IDS: variants seen among roughly 807,000 people sequenced by gnomAD.
The protein encoded by IDS is iduronate 2-sulfatase.
Under a neutral mutation model 33.5 loss-of-function variants are expected in IDS, and 1 was observed. The observed-to-expected ratio is 0.03, with a 90% CI of 0.01 to 0.14. The LOEUF is 0.14. IDS is among the 10% of genes least tolerant of loss of function. IDS has a pLI of 1.00. For missense variants in IDS, 328 were observed against 448.0 expected (o/e 0.73, Z 2.42); for synonymous variants, 191 against 184.4 (o/e 1.04, Z -0.29).
chrX:149,494,107 G>T (rs2089416233), intron 6 of IDS, among the ~76,000 whole-genome samples: 1 of 111,697 alleles, frequency 9.0e-6, no homozygotes, highest in Admixed American at 9.5e-5. Flanking sequence ...GGGCCTCCCT[G>T]CTTCGTGGGG....
chrX:149,505,201 AG>A lies in IDS; in HGVS notation c.-65del. ...GGCTGCAGCAGGTGGCGCAGTTAGC[AG>A]CCGCCGCCGCAGCCACAGAGACCTC... On this transcript the variant is annotated 5_prime_UTR_variant, in exon 1 of 9. It removes the in-frame stop codon of an upstream open reading frame in the 5' UTR. Transcript: ENST00000340855. 5 of 829,732 alleles carry A rather than the reference AG, an allele frequency of 6.0e-6. No homozygotes were observed. The highest frequency in any genetic ancestry group is 5.6e-5 in the Admixed American group (2 of 35,400). The allele number at this position is 829,732 out of a possible 1,213,427, so 68.4% of individuals were successfully genotyped here. A position where few individuals can be genotyped will look rare whatever the true frequency, so the allele number is the denominator to read the frequency against.
chrX:149,504,595 A>G (rs925540520), intron 1 of IDS, among the ~76,000 whole-genome samples: 13 of 110,899 alleles, frequency 1.2e-4, no homozygotes, highest in African/African-American at 3.9e-4. Context: ...TATGCAGGAA[A>G]GGACAGATGG....
Position 149,500,978 on chromosome X carries a change from G to A in IDS, c.478C>T (p.Pro160Ser), listed in dbSNP as rs200608244. 8.5e-7 allele frequency: 1 copy of A among 1,175,380 alleles called. No individual in the cohort carries two copies. Among genetic ancestry groups the A allele is most frequent in the East Asian group, 3.0e-5 (1 of 33,689 alleles). The change falls in exon 4 of 9, where the codon CCT becomes TCT. Residue 160 changes from proline (P) to serine (S), a missense_variant. By Grantham distance (74) the Pro-to-Ser change is moderately conservative. Coordinates refer to ENST00000340855, the MANE Select transcript of IDS (RefSeq NM_000202.8). ...GTGTTTTCATACTTCTCAGAGGAAG[G>A]ATGATAAGGTGGAAAAGACCAGCTA... ...PYSWSFPPYH[P>S]SSEKYENTKT... is the part of the protein sequence containing the mutation.
At chrX:149,492,353 A>G (rs1436972155) in intron 6 of IDS, among the ~76,000 whole-genome samples, 1 of 111,787 alleles carries the variant, frequency 8.9e-6, no homozygotes, top group Non-Finnish European at 1.9e-5. Context: ...AAGGCTTCAC[A>G]GAGGAGTTAG....
At chrX:149,503,237 C>T (rs1427926188) in intron 3 of IDS, 75 bp downstream of exon 3, 1 of 1,172,383 alleles carries the variant, frequency 8.5e-7, no homozygotes, top group African/African-American at 1.8e-5. Context: ...AAAGACAGCC[C>T]CATCCCCAGG....
At position 149,482,823 on chromosome X, in the gene IDS, C is replaced by A. The variant is rs782482845; in HGVS notation, c.1576G>T (p.Asp526Tyr). ...DIHAGELYFV[D>Y]SDPLQDHNMY... ...TTGTGATCCTGCAATGGGTCAGAAT[C>A]CACAAAATACAGTTCCCCTGCATGG... The change falls in exon 9 of 9, where the codon GAT (aspartate) becomes TAT (tyrosine). Residue 526 changes from aspartate (D) to tyrosine (Y), a missense_variant. Transcript: ENST00000340855. 1.7e-6 allele frequency: 2 copies of A among 1,211,942 alleles called. No homozygotes were observed. The highest frequency in any genetic ancestry group is 5.9e-5 in the East Asian group (2 of 33,862).
At chrX:149,487,163 T>C (rs1185857041) in intron 7 of IDS, 65 bp from the exon 8 acceptor site, 1 of 1,207,812 alleles carries the variant, frequency 8.3e-7, no homozygotes, top group African/African-American at 1.8e-5. Flanking sequence ...TTGTTTATTT[T>C]AGATACCATT....
At chrX:149,488,957 A>G (rs1490947386) in intron 7 of IDS, among the ~76,000 whole-genome samples, 62 of 110,888 alleles carry the variant, frequency 5.6e-4, no homozygotes, top group African/African-American at 2.0e-3. Flanking sequence ...GACACCTGTT[A>G]AAGTGCACTT....
intron 8 of IDS, among the ~76,000 whole-genome samples, chrX:149,484,503 G>T (rs992788554): frequency 2.7e-5 from 3 of 112,221 alleles, no homozygotes; most frequent in Admixed American, 9.4e-5. Flanking sequence ...TGTATTTTTA[G>T]TAGAGATGGG....
In IDS at chrX:149,482,544, C is replaced by A; in HGVS notation, c.*202G>T. 3.7e-6 allele frequency: 2 copies of A among 533,717 alleles called. No homozygotes were observed. Among genetic ancestry groups the A allele is most frequent in the Non-Finnish European group, 5.8e-6 (2 of 346,310 alleles). 44.0% of individuals were successfully genotyped at this position (533,717 alleles called of 1,213,427 possible). On this transcript the variant is annotated 3_prime_UTR_variant, in exon 9 of 9. Coordinates refer to ENST00000340855, the MANE Select transcript of IDS (RefSeq NM_000202.8). ...ATTAAAAAAAAAACTGGTCCAATTA[C>A]CAATTATAAATTTTAATAAAGACTA... is the stretch of plus-strand genomic sequence containing the variant.
rs782365780 is a variant in IDS at position 149,480,276 on chromosome X, T to C, written c.*2470A>G. 5.9e-4 allele frequency: 99 copies of C among 167,709 alleles called. No individual in the cohort carries two copies. The highest frequency in any genetic ancestry group is 3.2e-3 in the African/African-American group (96 of 30,374). The allele number at this position is 167,709 out of a possible 1,213,427, so 13.8% of individuals were successfully genotyped here. A position where few individuals can be genotyped will look rare whatever the true frequency, so the allele number is the denominator to read the frequency against. On this transcript the variant is annotated 3_prime_UTR_variant, in exon 9 of 9. Transcript: ENST00000340855. ...CAGGGGAGGAAAGAGGAGGGGTGGG[T>C]AAACTACTTGGAAAGAAAGGGAGAA...
chrX:149,484,184 C>G (rs983277217), intron 8 of IDS, among the ~76,000 whole-genome samples: 2 of 112,394 alleles, frequency 1.8e-5, no homozygotes, highest in Non-Finnish European at 3.8e-5. Flanking sequence ...AACTTCTGGG[C>G]CATAGAGTAA....
chrX:149,504,831 T>C (rs1418211182), intron 1 of IDS, among the ~76,000 whole-genome samples: 2 of 98,030 alleles, frequency 2.0e-5, no homozygotes, highest in Non-Finnish European at 4.1e-5. Flanking sequence ...GATGAATAGA[T>C]GGAAAGAGGG....
Position 149,479,619 on chromosome X carries a change from G to T in IDS, c.*3127C>A, listed in dbSNP as rs2089284859. The T allele has an allele frequency of 8.9e-6, 1 of 111,820 alleles. No individual in the cohort carries two copies. The highest frequency in any genetic ancestry group is 1.9e-5 in the Non-Finnish European group (1 of 53,191). The allele number at this position is 111,820 out of a possible 1,213,427, so 9.2% of individuals were successfully genotyped here. On this transcript the variant is annotated 3_prime_UTR_variant, in exon 9 of 9. Transcript: ENST00000340855. Reference sequence around the variant, plus strand: ...CTAAATTTCTAACAATTGAAAGAAGGTTAAGTAAATTATAAGACTACACAA... The same window carrying T: ...CTAAATTTCTAACAATTGAAAGAAGTTTAAGTAAATTATAAGACTACACAA...
Position 149,498,325 on chromosome X carries a change from T to C in IDS, c.508-18A>G. The C allele has an allele frequency of 3.4e-6, 4 of 1,169,292 alleles. No individual in the cohort carries two copies. The highest frequency in any genetic ancestry group is 4.7e-6 in the Non-Finnish European group (4 of 858,333). On this transcript the variant is annotated intron_variant, in intron 4 of 8. Transcript: ENST00000340855. ...CGACATGTCTTTCAAAACAAAATAATATAACATCAGCTTTTTAAGTGCAAG... is the reference window on the plus strand; with the variant it reads ...CGACATGTCTTTCAAAACAAAATAACATAACATCAGCTTTTTAAGTGCAAG...
intron 2 of IDS, among the ~76,000 whole-genome samples, chrX:149,503,942 C>T (rs1200747268): frequency 9.0e-6 from 1 of 111,551 alleles, no homozygotes; most frequent in African/African-American, 3.3e-5. Flanking sequence ...AGGGCCAGGG[C>T]GCACCTTGCA....
At chrX:149,504,508 A>G (rs1557340462) in intron 1 of IDS, among the ~76,000 whole-genome samples, 1 of 111,573 alleles carries the variant, frequency 9.0e-6, no homozygotes, top group Non-Finnish European at 1.9e-5. Flanking sequence ...ATGGCCTCCA[A>G]CCTGGGTGAG....
At position 149,481,026 on chromosome X, in the gene IDS, G is replaced by C. The variant is rs1386811824; in HGVS notation, c.*1720C>G. On this transcript the variant is annotated 3_prime_UTR_variant, in exon 9 of 9. Transcript: ENST00000340855. ...GGTTATATGAAGCAACAAAGATACA[G>C]TTTCTCTAAGCCAAGTAAAGGTAAA... The C allele has an allele frequency of 8.9e-6, 1 of 112,305 alleles. No homozygotes were observed. Among genetic ancestry groups the C allele is most frequent in the Non-Finnish European group, 1.9e-5 (1 of 53,292 alleles). 9.3% of individuals were successfully genotyped at this position (112,305 alleles called of 1,213,427 possible).
chrX:149,497,866 G>A (rs1428135832), intron 5 of IDS, among the ~76,000 whole-genome samples: 1 of 112,465 alleles, frequency 8.9e-6, no homozygotes, highest in Non-Finnish European at 1.9e-5. Flanking sequence ...TTCAAGGAAA[G>A]GAAATCAAAC....
Sources: allele counts gnomAD v4.1 joint callset (sites outside exome capture counted in the v4.1 genomes callset), GRCh38; gene constraint gnomAD v4.1.1; transcripts MANE v1.5; gene names NCBI Gene and HGNC (gene_info 2026-07-23, HGNC 2026-07-21).